RHNO1: variants seen among roughly 807,000 people sequenced by gnomAD.
RHNO1 encodes RAD9, HUS1, RAD1-interacting nuclear orphan protein 1.
In RHNO1, 9 loss-of-function variants were observed where a neutral mutation model predicts 7.2. The ratio of observed to expected loss-of-function variants is 1.25; its 90% CI spans 0.75 to 2.18. The LOEUF is 2.18. Among genes scored for constraint, RHNO1 ranks in the 30% most tolerant of loss-of-function variants. The probability of loss-of-function intolerance (pLI) is 0.00; values close to 1 mark genes in which losing one functional copy is unlikely to be tolerated. For missense variants in RHNO1, 292 were observed against 284.5 expected (o/e 1.03, Z -0.19); for synonymous variants, 95 against 107.5 (o/e 0.88, Z 0.72).
chr12:2,887,591 T>C (rs1056286308), intron 2 of RHNO1, among the ~76,000 whole-genome samples: 9 of 151,704 alleles, frequency 5.9e-5, no homozygotes, highest in African/African-American at 1.7e-4. Context: ...GAGGTTGCAA[T>C]GAGCCGAGAT....
At chr12:2,887,478 C>CAAAAAAAA (rs11310263) in intron 2 of RHNO1, among the ~76,000 whole-genome samples, 1 of 89,096 alleles carries the variant, frequency 1.1e-5, no homozygotes, top group African/African-American at 4.2e-5. Flanking sequence ...ACTCTGTCTC[C>CAAAAAAAA]AAAAAAAAAA....
Position 2,888,225 on chromosome 12 carries a change from G to GTCA in RHNO1, c.486_488dup (p.Ser164dup). On this transcript the variant is annotated inframe_insertion, in exon 3 of 3. Transcript: ENST00000489288. Reference sequence around the variant, plus strand: ...TTCCACCTGATATCCAGACCCCAGAGTCATCGTCTGTGAAGGAAGAACTCA... The same window carrying GTCA: ...TTCCACCTGATATCCAGACCCCAGAGTCATCATCGTCTGTGAAGGAAGAACTCA... 1 of 1,614,072 alleles carries GTCA rather than the reference G, an allele frequency of 6.2e-7. No homozygotes were observed. The highest frequency in any genetic ancestry group is 8.5e-7 in the Non-Finnish European group (1 of 1,180,016).
At chr12:2,883,071 A>AAAAAAACAAAAAC (rs1224416791) in intron 1 of RHNO1, among the ~76,000 whole-genome samples, 9 of 137,596 alleles carry the variant, frequency 6.5e-5, no homozygotes, top group Admixed American at 3.0e-4. Flanking sequence ...TGTCTCAAAA[A>AAAAAAACAAAAAC]AAAAAAAAAA....
Position 2,888,044 on chromosome 12 carries a change from C to T in RHNO1, c.302C>T (p.Ser101Phe). 1 of 1,614,168 alleles carries T rather than the reference C, an allele frequency of 6.2e-7. No homozygotes were observed. The highest frequency in any genetic ancestry group is 8.5e-7 in the Non-Finnish European group (1 of 1,180,040). ...FPHLTFESPQ[S>F]SSSETLGIPL... The stretch of plus-strand genomic sequence containing the variant: ...CATCTAACTTTTGAGAGTCCGCAAT[C>T]TTCCAGTTCAGAGACATTGGGGATC... The change falls in exon 3 of 3, where the codon TCT (serine) becomes TTT (phenylalanine). Residue 101 changes from serine to phenylalanine, a missense_variant. Transcript: ENST00000489288.
At chr12:2,877,144 C>A (rs1326941491), upstream of RHNO1, 1 of 152,170 alleles carries the variant, frequency 6.6e-6, no homozygotes, top group African/African-American at 2.4e-5. Context: ...CAGTTTGTTC[C>A]GCTGTTTGAA....
chr12:2,882,657 C>G (rs2098159412), intron 1 of RHNO1, among the ~76,000 whole-genome samples: 1 of 150,720 alleles, frequency 6.6e-6, no homozygotes, highest in Admixed American at 6.6e-5. Context: ...GAGCCAAGAT[C>G]AAGCCACTGC....
At chr12:2,883,805 C>T (rs7134309) in intron 1 of RHNO1, among the ~76,000 whole-genome samples, 66,696 of 151,378 alleles carry the variant, frequency 0.44, 15,641 homozygotes, top group East Asian at 0.65. Flanking sequence ...CATGAGCCAC[C>T]GCGCCCGGCC....
rs376902913 is a variant in RHNO1 at position 2,888,490 on chromosome 12, T to C, written c.*31T>C. On this transcript the variant is annotated 3_prime_UTR_variant, in exon 3 of 3. Transcript: ENST00000489288. The stretch of plus-strand genomic sequence containing the variant: ...ATCAGTAATCTCAATAGAAAAGAGA[T>C]ATGTTTTCTGGAGTCATAAAGGAAT... 13 of 1,515,582 alleles carry C rather than the reference T, an allele frequency of 8.6e-6. No individual in the cohort carries two copies. Among genetic ancestry groups the C allele is most frequent in the Middle Eastern group, 1.8e-4 (1 of 5,614 alleles). 93.9% of individuals were successfully genotyped at this position (1,515,582 alleles called of 1,614,324 possible).
chr12:2,886,932 T>C (rs1395586216), intron 2 of RHNO1: 1 of 455,712 alleles, frequency 2.2e-6, no homozygotes, highest in African/African-American at 2.0e-5. Context: ...TCACCCGCTA[T>C]GCTTGGAGTT....
At chr12:2,877,491 C>G (rs1196750179) in intron 1 of RHNO1, among the ~76,000 whole-genome samples, 1 of 152,252 alleles carries the variant, frequency 6.6e-6, no homozygotes, top group Non-Finnish European at 1.5e-5. Flanking sequence ...TCAGGCTCCT[C>G]TGCTCCCCTT....
At chr12:2,884,283 G>C (rs1217792345) in intron 1 of RHNO1, among the ~76,000 whole-genome samples, 1 of 152,190 alleles carries the variant, frequency 6.6e-6, no homozygotes, top group East Asian at 1.9e-4. Flanking sequence ...GCCCAGGCTG[G>C]AGTGCAGTTG....
chr12:2,880,191 C>G (rs527899098), intron 1 of RHNO1, among the ~76,000 whole-genome samples: 1 of 151,950 alleles, frequency 6.6e-6, no homozygotes, highest in Non-Finnish European at 1.5e-5. Flanking sequence ...CCCAGCTATT[C>G]GGGAGGCTGA....
intron 1 of RHNO1, among the ~76,000 whole-genome samples, chr12:2,883,284 G>A (rs2153945051): frequency 6.6e-6 from 1 of 150,556 alleles, no homozygotes; most frequent in East Asian, 2.0e-4. Flanking sequence ...GCTGAGGTGG[G>A]AGGATCACCT....
At chr12:2,881,500 G>C (rs1398562441) in intron 1 of RHNO1, among the ~76,000 whole-genome samples, 1 of 152,074 alleles carries the variant, frequency 6.6e-6, no homozygotes, top group African/African-American at 2.4e-5. Context: ...ACCTGGAACA[G>C]TGCCTAGCAC....
chr12:2,876,526 T>C (rs1289188645), upstream of RHNO1: 1 of 152,492 alleles, frequency 6.6e-6, no homozygotes, highest in Non-Finnish European at 1.5e-5. Context: ...GTAAGTAAGA[T>C]GGAGGCGGTG....
At chr12:2,883,179 G>A (rs1282254770) in intron 1 of RHNO1, among the ~76,000 whole-genome samples, 1 of 150,642 alleles carries the variant, frequency 6.6e-6, no homozygotes, top group Non-Finnish European at 1.5e-5. Context: ...AGGAATTCAA[G>A]ACTAGCCTGG....
chr12:2,878,903 G>A, intron 1 of RHNO1, among the ~76,000 whole-genome samples: 1 of 151,866 alleles, frequency 6.6e-6, no homozygotes, highest in South Asian at 2.1e-4. Flanking sequence ...ACGGGCGGGG[G>A]GTTGTCAGGG....
chr12:2,881,902 CA>C (rs1208946857), intron 1 of RHNO1, among the ~76,000 whole-genome samples: 3,022 of 119,438 alleles, frequency 0.025, 57 homozygotes, highest in African/African-American at 0.055. Flanking sequence ...AAGACTCCAT[CA>C]AAAAAAAAAA....
At chr12:2,882,359 G>C (rs899229741) in intron 1 of RHNO1, among the ~76,000 whole-genome samples, 4 of 151,528 alleles carry the variant, frequency 2.6e-5, no homozygotes, top group Non-Finnish European at 4.4e-5. Flanking sequence ...AGAAAAGTCG[G>C]GTTGGAGATG....
Sources: gnomAD v4.1 joint callset for allele counts (sites outside exome capture counted in the v4.1 genomes callset) on GRCh38, gnomAD v4.1.1 for gene constraint, MANE v1.5 for transcripts, NCBI Gene and HGNC (gene_info 2026-07-23, HGNC 2026-07-21) for gene names.